The following KIAA1217 variants were observed in gnomAD, a reference collection of about 807,000 sequenced individuals.
The protein encoded by KIAA1217 is sickle tail protein homolog.
Under a neutral mutation model 163.9 loss-of-function variants are expected in KIAA1217, and 88 were observed. The observed-to-expected ratio is 0.54, with a 90% CI of 0.45 to 0.64. The LOEUF (loss-of-function observed/expected upper bound fraction) is 0.64, where lower values mean the gene tolerates loss of function less well. Ranked by LOEUF, KIAA1217 falls within the 30% of genes least tolerant of loss-of-function variation. KIAA1217 has a pLI of 0.00. For missense variants in KIAA1217, 2,372 were observed against 2,475.0 expected (o/e 0.96, Z 0.88); for synonymous variants, 903 against 923.1 (o/e 0.98, Z 0.39).
chr10:23,760,006 C>T (rs1393478259), intron 1 of KIAA1217, among the ~76,000 whole-genome samples: 1 of 152,142 alleles, frequency 6.6e-6, no homozygotes, highest in Admixed American at 6.6e-5. Context: ...TACCTAATGT[C>T]GTATATATAC....
chr10:23,727,524 C>T (rs1279009223), intron 1 of KIAA1217, among the ~76,000 whole-genome samples: 1 of 152,068 alleles, frequency 6.6e-6, no homozygotes, highest in Non-Finnish European at 1.5e-5. Context: ...CACCCCACTG[C>T]ACTCCAGTCT....
chr10:23,735,887 A>T (rs986995392), intron 1 of KIAA1217, among the ~76,000 whole-genome samples: 1 of 152,240 alleles, frequency 6.6e-6, no homozygotes, highest in Non-Finnish European at 1.5e-5. Flanking sequence ...AATCAAGATC[A>T]TGAACTTACC....
At chr10:24,292,930 C>T (rs549832199) in intron 2 of KIAA1217, among the ~76,000 whole-genome samples, 3 of 152,256 alleles carry the variant, frequency 2.0e-5, no homozygotes, top group South Asian at 4.1e-4. Context: ...AATACGCAGA[C>T]ATCTAGTACT....
At chr10:24,254,714 C>T (rs554205647) in intron 2 of KIAA1217, among the ~76,000 whole-genome samples, 5 of 152,236 alleles carry the variant, frequency 3.3e-5, no homozygotes, top group South Asian at 4.1e-4. Flanking sequence ...GGCTTTGCCA[C>T]GTGGTGGGAA....
intron 3 of KIAA1217, among the ~76,000 whole-genome samples, chr10:24,403,711 C>T (rs922396438): frequency 6.6e-6 from 1 of 152,066 alleles, no homozygotes; most frequent in African/African-American, 2.4e-5. Flanking sequence ...AGACATTTCA[C>T]TAAAGAGGAG....
intron 5 of KIAA1217, among the ~76,000 whole-genome samples, chr10:24,448,191 T>C (rs1299294146): frequency 6.6e-6 from 1 of 152,124 alleles, no homozygotes; most frequent in Non-Finnish European, 1.5e-5. Context: ...ATCTGCTTTG[T>C]CAGATTAAAA....
chr10:24,315,215 A>G (rs1319889293), intron 2 of KIAA1217, among the ~76,000 whole-genome samples: 1 of 152,198 alleles, frequency 6.6e-6, no homozygotes, highest in African/African-American at 2.4e-5. Context: ...CTGATGTTCA[A>G]AATACCTGCA....
At chr10:23,785,370 C>T (rs757830038) in intron 1 of KIAA1217, among the ~76,000 whole-genome samples, 5 of 152,148 alleles carry the variant, frequency 3.3e-5, no homozygotes, top group Non-Finnish European at 7.4e-5. Context: ...TACCCCCTTA[C>T]CCCTGTGCCT....
At chr10:23,912,374 G>A (rs1271350508) in intron 1 of KIAA1217, among the ~76,000 whole-genome samples, 1 of 147,804 alleles carries the variant, frequency 6.8e-6, no homozygotes, top group South Asian at 2.1e-4. Flanking sequence ...GGGGTTATAC[G>A]TGCATGTTTG....
chr10:24,472,050 A>G (rs1360675170), intron 5 of KIAA1217, among the ~76,000 whole-genome samples: 2 of 152,226 alleles, frequency 1.3e-5, no homozygotes, highest in African/African-American at 2.4e-5. Context: ...CACATAATCA[A>G]GTAAGCTAGA....
intron 1 of KIAA1217, among the ~76,000 whole-genome samples, chr10:23,722,887 T>C (rs978688014): frequency 3.9e-5 from 6 of 152,158 alleles, no homozygotes; most frequent in African/African-American, 1.4e-4. Context: ...GGAGTAGGCT[T>C]CAGGTCTCGA....
intron 1 of KIAA1217, among the ~76,000 whole-genome samples, chr10:23,750,306 T>C (rs1281915071): frequency 6.6e-6 from 1 of 152,212 alleles, no homozygotes; most frequent in Non-Finnish European, 1.5e-5. Flanking sequence ...CTTCAAAATG[T>C]AACCCAAGTT....
At chr10:23,963,421 C>T (rs1844905809) in intron 1 of KIAA1217, among the ~76,000 whole-genome samples, 1 of 152,154 alleles carries the variant, frequency 6.6e-6, no homozygotes, top group Non-Finnish European at 1.5e-5. Flanking sequence ...CAGCTTCATC[C>T]ATGTCCCTAC....
At chr10:23,762,344 C>T (rs1417963206) in intron 1 of KIAA1217, among the ~76,000 whole-genome samples, 7 of 151,786 alleles carry the variant, frequency 4.6e-5, no homozygotes, top group East Asian at 1.9e-4. Flanking sequence ...GCCAATATCC[C>T]GGATGAACAT....
intron 8 of KIAA1217, among the ~76,000 whole-genome samples, chr10:24,498,778 A>C (rs915360000): frequency 6.6e-6 from 1 of 152,208 alleles, no homozygotes; most frequent in African/African-American, 2.4e-5. Flanking sequence ...GCACCGCTGC[A>C]CTCAAGCCTG....
intron 2 of KIAA1217, among the ~76,000 whole-genome samples, chr10:24,018,580 TAAA>T (rs1564614066): frequency 6.6e-6 from 1 of 150,888 alleles, no homozygotes; most frequent in Non-Finnish European, 1.5e-5. Context: ...ATAATAATAA[TAAA>T]TAAATAAATA....
At chr10:23,929,318 T>A (rs1441364432) in intron 1 of KIAA1217, among the ~76,000 whole-genome samples, 1 of 152,134 alleles carries the variant, frequency 6.6e-6, no homozygotes, top group African/African-American at 2.4e-5. Flanking sequence ...TATTTTATTT[T>A]TTATTTTTTT....
At chr10:23,917,769 T>A (rs1484363416) in intron 1 of KIAA1217, among the ~76,000 whole-genome samples, 1 of 152,208 alleles carries the variant, frequency 6.6e-6, no homozygotes, top group African/African-American at 2.4e-5. Flanking sequence ...ACATCCTATG[T>A]GCTAAGTATG....
rs201435319 is a variant in KIAA1217, at chr10:24,402,524, A to AAAC, written c.553+21459_553+21460insCAA. ...ACTCCCTCTCAAAAAAACAAAAAAC[A>AAAC]AAACAAAAAAAAAAAAAAGGCAAAG... On this transcript the variant is annotated intron_variant, in intron 3 of 20. Transcript: ENST00000376454. 8.1e-4 allele frequency among the ~76,000 whole-genome samples: 58 copies of AAAC among 71,364 alleles called. 1 individual carries two copies. In the East Asian group the frequency reaches 0.017, roughly 21 times the overall value. 46.8% of individuals were successfully genotyped at this position (71,364 alleles called of 152,430 possible).
Sources: allele counts gnomAD v4.1 joint callset (sites outside exome capture counted in the v4.1 genomes callset), GRCh38; gene constraint gnomAD v4.1.1; transcripts MANE v1.5; gene names NCBI Gene and HGNC (gene_info 2026-07-23, HGNC 2026-07-21).